Variants in SPSB3 observed in about 807,000 individuals in gnomAD.
The protein encoded by SPSB3 is splA/ryanodine receptor domain and SOCS box containing 3, also known as SPRY domain-containing SOCS box protein 3.
In SPSB3, 18 loss-of-function variants were observed where a neutral mutation model predicts 29.5. The ratio of observed to expected loss-of-function variants is 0.61; its 90% CI spans 0.42 to 0.91. SPSB3 has a LOEUF of 0.91. Ranked by LOEUF, SPSB3 falls within the 40% of genes least tolerant of loss-of-function variation. The pLI is 0.00. For missense variants in SPSB3, 540 were observed against 507.5 expected, an observed-to-expected ratio of 1.06 and a Z score of -0.61; for synonymous variants, 299 against 214.1, an observed-to-expected ratio of 1.40 and a Z score of -3.46.
In SPSB3 at chr16:1,777,989, G is replaced by T. The variant is rs562067195; in HGVS notation, c.552C>A (p.Ser184Arg). The T allele has an allele frequency of 6.2e-7, 1 of 1,613,158 alleles. No individual in the cohort carries two copies. Among genetic ancestry groups the T allele is most frequent in the Admixed American group, 1.7e-5 (1 of 60,022 alleles). ...AGCTGTCCTCATCCCTGCCCAGCAG[G>T]CTGCAGAACGTGTGGCGGTATTTGT... Reference protein sequence around the residue: ...DLDKYRHTFCSLLGRDEDSWG... With the variant: ...DLDKYRHTFCRLLGRDEDSWG... Residue 184 changes from serine to arginine, a missense_variant, in exon 5 of 7, where the codon AGC becomes AGA. Transcript: ENST00000566339.
chr16:1,779,764 A>G (rs1330537091), intron 2 of SPSB3: 1 of 152,324 alleles, frequency 6.6e-6, no homozygotes, highest in African/African-American at 2.4e-5. Flanking sequence ...ATTTGGTGAC[A>G]CAGGACAAGC....
In SPSB3 at chr16:1,778,576, G is replaced by GC. The variant is rs764442159; in HGVS notation, c.162dup (p.Leu55AlafsTer18). 1 of 1,593,264 alleles carries GC rather than the reference G, an allele frequency of 6.3e-7. No individual in the cohort carries two copies. Among genetic ancestry groups the GC allele is most frequent in the East Asian group, 2.3e-5 (1 of 44,424 alleles). On this transcript the variant is annotated frameshift_variant, in exon 3 of 7. Coordinates refer to ENST00000566339, the MANE Select transcript of SPSB3 (RefSeq NM_080861.4). LOFTEE classifies it high-confidence loss of function. Reference sequence around the variant, plus strand: ...ACCGCACTGGGGATGGATGGCGGCAGCGTGGAGTACTCGGGGTCGGAGTCC... The same window carrying GC: ...ACCGCACTGGGGATGGATGGCGGCAGCCGTGGAGTACTCGGGGTCGGAGTCC...
intron 2 of SPSB3, 169 bp from the exon 3 acceptor site, chr16:1,778,781 C>CGGGCT (rs1399426788): frequency 1.5e-6 from 1 of 665,038 alleles, no homozygotes; most frequent in Non-Finnish European, 2.3e-6. Context: ...TCCCTCCCAA[C>CGGGCT]GGGCTCCGGC....
At position 1,777,863 on chromosome 16, in the gene SPSB3, T is replaced by G. The variant is rs1409892776; in HGVS notation, c.605A>C (p.His202Pro). 2 of 1,612,294 alleles carry G rather than the reference T, an allele frequency of 1.2e-6. No homozygotes were observed. Among genetic ancestry groups the G allele is most frequent in the Non-Finnish European group, 1.7e-6 (2 of 1,179,794 alleles). ...GAAGCTGGTCTTGTCGCCCTTGTGG[T>G]GGAGGAGGCCTGGGGGCAGCCAGGG... ...SWGLSYTGLL[H>P]HKGDKTSFSS... The change falls in exon 6 of 7, where the codon CAC (histidine) becomes CCC (proline). Residue 202 changes from histidine to proline, a missense_variant. His to Pro is a moderately conservative substitution (Grantham distance 77, BLOSUM62 -2). Coordinates refer to ENST00000566339, the MANE Select transcript of SPSB3 (RefSeq NM_080861.4).
chr16:1,777,879 G>A lies in SPSB3; in HGVS notation c.596-7C>T, dbSNP rs1211720082. ...CCCTTGTGGTGGAGGAGGCCTGGGGGCAGCCAGGGTCGCAGTGAGCCCGGG... is the reference window on the plus strand; with the variant it reads ...CCCTTGTGGTGGAGGAGGCCTGGGGACAGCCAGGGTCGCAGTGAGCCCGGG... On this transcript the variant is annotated splice_polypyrimidine_tract_variant and splice_region_variant and intron_variant, in intron 5 of 6. Transcript: ENST00000566339. The A allele has an allele frequency of 6.2e-6, 10 of 1,612,138 alleles. No homozygotes were observed. The highest frequency in any genetic ancestry group is 8.5e-6 in the Non-Finnish European group (10 of 1,179,744).
Position 1,782,316 on chromosome 16 carries a change from C to T in SPSB3, c.-13+186G>A, listed in dbSNP as rs1441698248. ...GGAGCCGCCCTCCCCGGCGGCAGCCCGGCCTGGCTGTTCCCTCCCGCGGGC... is the reference window on the plus strand; with the variant it reads ...GGAGCCGCCCTCCCCGGCGGCAGCCTGGCCTGGCTGTTCCCTCCCGCGGGC... On this transcript the variant is annotated intron_variant, in intron 1 of 6. Coordinates refer to ENST00000566339, the MANE Select transcript of SPSB3 (RefSeq NM_080861.4). 2.6e-5 allele frequency: 4 copies of T among 151,816 alleles called. No individual in the cohort carries two copies. In the East Asian group the frequency reaches 7.7e-4, roughly 29 times the overall value. 9.4% of individuals were successfully genotyped at this position (151,816 alleles called of 1,614,324 possible).
At chr16:1,781,680 C>T in intron 1 of SPSB3, 185 bp from the exon 2 acceptor site, 1 of 613,384 alleles carries the variant, frequency 1.6e-6, no homozygotes, top group Admixed American at 3.0e-5. Context: ...CAATAAAACC[C>T]AGGTAGATCC....
Position 1,777,340 on chromosome 16 carries a change from A to G in SPSB3, c.825T>C (p.Thr275=). Residue 275 remains threonine (T), a synonymous_variant, in exon 7 of 7, where the codon ACT becomes ACC. Transcript: ENST00000566339. ...GGTGGCAGCACAGGTACTGGAGGGA[A>G]GTGGCGCTGGCACAGGAGCGGGTGA... ...MKVTRSCASA[T]SLQYLCCHRL... is the part of the protein sequence containing the mutation. 2 of 1,608,344 alleles carry G rather than the reference A, an allele frequency of 1.2e-6. No homozygotes were observed. Among genetic ancestry groups the G allele is most frequent in the Non-Finnish European group, 1.7e-6 (2 of 1,179,128 alleles).
intron 6 of SPSB3, 80 bp from the exon 7 acceptor site, chr16:1,777,523 C>T: frequency 7.1e-7 from 1 of 1,403,336 alleles, no homozygotes; most frequent in Admixed American, 2.7e-5. Flanking sequence ...CCTCACGCTA[C>T]AGTCACCCGG....
Position 1,777,060 on chromosome 16 carries a change from G to T in SPSB3, c.*37C>A. 1 of 1,595,194 alleles carries T rather than the reference G, an allele frequency of 6.3e-7. No homozygotes were observed. The highest frequency in any genetic ancestry group is 2.2e-5 in the East Asian group (1 of 44,728). ...AAAGAAGGGACAGAGGAAAGGGGCT[G>T]TCCCAGCCCAAGAAGGCAGTTCCAC... On this transcript the variant is annotated 3_prime_UTR_variant, in exon 7 of 7. Transcript: ENST00000566339.
intron 6 of SPSB3, 68 bp downstream of exon 6, chr16:1,777,679 C>T (rs1409909673): frequency 2.5e-6 from 4 of 1,592,240 alleles, no homozygotes; most frequent in East Asian, 4.5e-5. Flanking sequence ...GTCCCCTGGG[C>T]TGGGGCGGGG....
At chr16:1,779,310 T>G (rs2042759732) in intron 2 of SPSB3, 1 of 152,478 alleles carries the variant, frequency 6.6e-6, no homozygotes, top group East Asian at 1.9e-4. Context: ...ACAGACTGTG[T>G]GGGGGCCACC....
chr16:1,781,520 C>T (rs762883654), intron 1 of SPSB3, 25 bp from the exon 2 acceptor site: 2 of 1,603,354 alleles, frequency 1.2e-6, no homozygotes, highest in Non-Finnish European at 1.7e-6. Flanking sequence ...AGGCTCTGGG[C>T]AAAGGAAGAC....
chr16:1,778,051 A>G lies in SPSB3; in HGVS notation c.493-3T>C. 1.2e-6 allele frequency: 2 copies of G among 1,613,134 alleles called. No homozygotes were observed. The highest frequency in any genetic ancestry group is 1.7e-4 in the Middle Eastern group (1 of 6,060). ...TCCGACGTCCCGATGCCCACCATCT[A>G]GGAACAGGGGCCAGGCAGAGGGCGC... is the stretch of plus-strand genomic sequence containing the variant. On this transcript the variant is annotated splice_polypyrimidine_tract_variant and splice_region_variant and intron_variant, in intron 4 of 6. Transcript: ENST00000566339.
Position 1,778,215 on chromosome 16 carries a change from G to A in SPSB3, c.411C>T (p.Ala137=). Residue 137 remains alanine (A), a synonymous_variant, in exon 4 of 7, where the codon GCC becomes GCT. Transcript: ENST00000566339. ...FHMEYSCGTA[A]IRGTKELGEG... is the part of the protein sequence containing the mutation. ...CCCCCAGCTCCTTGGTGCCCCGGAT[G>A]GCCGCTGTGCCGCAGCTGTACTCCA... The A allele has an allele frequency of 1.2e-6, 2 of 1,612,986 alleles. No individual in the cohort carries two copies. Among genetic ancestry groups the A allele is most frequent in the Admixed American group, 1.7e-5 (1 of 60,004 alleles).
Position 1,777,976 on chromosome 16 carries a change from C to T in SPSB3, c.565G>A (p.Asp189Asn), listed in dbSNP as rs1167741293. 1.9e-6 allele frequency: 3 copies of T among 1,613,152 alleles called. No individual in the cohort carries two copies. Among genetic ancestry groups the T allele is most frequent in the Admixed American group, 3.3e-5 (2 of 60,024 alleles). The change falls in exon 5 of 7, where the codon GAT becomes AAT. Residue 189 changes from aspartate (D) to asparagine (N), a missense_variant. By Grantham distance (23) the Asp-to-Asn change is conservative (BLOSUM62 1). Coordinates refer to ENST00000566339, the MANE Select transcript of SPSB3 (RefSeq NM_080861.4). ...RHTFCSLLGR[D>N]EDSWGLSYTG... ...TAGGAGAGGCCCCAGCTGTCCTCATCCCTGCCCAGCAGGCTGCAGAACGTG... is the reference window on the plus strand; with the variant it reads ...TAGGAGAGGCCCCAGCTGTCCTCATTCCTGCCCAGCAGGCTGCAGAACGTG...
chr16:1,780,935 G>A (rs951464717), intron 2 of SPSB3: 3 of 341,178 alleles, frequency 8.8e-6, no homozygotes, highest in African/African-American at 6.5e-5. Context: ...GTTTCACCAT[G>A]TTGCCCAGGC....
rs912490376 is a variant in SPSB3, at chr16:1,778,931, G to A, written c.127-319C>T. 2.2e-5 allele frequency: 6 copies of A among 270,128 alleles called. No individual in the cohort carries two copies. The South Asian group carries it at 5.7e-4, about 26-fold the overall frequency. The allele number at this position is 270,128 out of a possible 1,614,324, so 16.7% of individuals were successfully genotyped here. On this transcript the variant is annotated intron_variant, in intron 2 of 6. Coordinates refer to ENST00000566339, the MANE Select transcript of SPSB3 (RefSeq NM_080861.4). ...CACCTGCCCAGAGCTGAGATGGTGT[G>A]GACACCTTCCCTGCTAGGCCAGCCC...
chr16:1,780,320 G>A (rs1431215186), intron 2 of SPSB3: 2 of 152,312 alleles, frequency 1.3e-5, no homozygotes, highest in Non-Finnish European at 2.9e-5. Context: ...TGGTCCGAGG[G>A]AGATCTCAGG....
Sources: gnomAD v4.1 joint callset for allele counts on GRCh38, gnomAD v4.1.1 for gene constraint, MANE v1.5 for transcripts, NCBI Gene and HGNC (gene_info 2026-07-23, HGNC 2026-07-21) for gene names.